The following EMC2 variants were observed in gnomAD, a reference collection of about 807,000 sequenced individuals.
EMC2 encodes TPR repeat protein 35.
EMC2 carries 37 observed loss-of-function variants against 51.6 expected under a neutral mutation model. That is an observed-to-expected ratio of 0.72 (90% CI 0.55 to 0.94). EMC2 has a LOEUF of 0.94. Among genes scored for constraint, EMC2 ranks in the 40% least tolerant of loss-of-function variants. The pLI, the probability that EMC2 is intolerant of heterozygous loss-of-function variation, is 0.00. For synonymous variants in EMC2, 131 were observed against 112.4 expected (o/e 1.17, Z -1.04); for missense variants, 359 against 350.9 (o/e 1.02, Z -0.18).
At chr8:108,444,810 C>A (rs752965773) in intron 1 of EMC2, among the ~76,000 whole-genome samples, 3 of 152,096 alleles carry the variant, frequency 2.0e-5, no homozygotes, top group Non-Finnish European at 2.9e-5. Flanking sequence ...GTGTTGATTT[C>A]TTACTGCAAA....
chr8:108,477,189 C>G (rs1810962688), intron 9 of EMC2, among the ~76,000 whole-genome samples: 1 of 151,886 alleles, frequency 6.6e-6, no homozygotes, highest in Admixed American at 6.6e-5. Flanking sequence ...TTTTGATATT[C>G]TTGGGTTTAT....
At chr8:108,478,349 A>AT (rs1686305822) in intron 9 of EMC2, among the ~76,000 whole-genome samples, 1 of 152,044 alleles carries the variant, frequency 6.6e-6, no homozygotes, top group African/African-American at 2.4e-5. Flanking sequence ...ATTTAAATAC[A>AT]TTTTTAAAAA....
intron 7 of EMC2, 136 bp downstream of exon 7, chr8:108,470,257 A>C (rs1355296467): frequency 1.6e-6 from 1 of 612,090 alleles, no homozygotes; most frequent in Non-Finnish European, 2.9e-6. Context: ...ACAAATCAAC[A>C]ATTAAATGAA....
At chr8:108,468,389 G>C (rs1810775078) in intron 5 of EMC2, among the ~76,000 whole-genome samples, 1 of 152,092 alleles carries the variant, frequency 6.6e-6, no homozygotes, top group South Asian at 2.1e-4. Context: ...TGCCTACTAT[G>C]TGACAGGCAT....
At chr8:108,456,332 C>CAAAAAAAAAA (rs869162246) in intron 5 of EMC2, among the ~76,000 whole-genome samples, 23 of 23,602 alleles carry the variant, frequency 9.7e-4, no homozygotes, top group African/African-American at 4.0e-3. Context: ...GACTTCGTGT[C>CAAAAAAAAAA]AAAAAAAAAA....
At chr8:108,466,219 G>T (rs143289822) in intron 5 of EMC2, among the ~76,000 whole-genome samples, 344 of 152,170 alleles carry the variant, frequency 2.3e-3, no homozygotes, top group African/African-American at 7.7e-3. Context: ...TTATCATGAG[G>T]AAAGAAGCAA....
At chr8:108,449,800 A>C in intron 1 of EMC2, 23 bp from the exon 2 acceptor site, 1 of 1,126,088 alleles carries the variant, frequency 8.9e-7, no homozygotes, top group Non-Finnish European at 1.3e-6. Flanking sequence ...ATATACACTT[A>C]AATGTCATGT....
rs1434628532 is a variant in EMC2, at chr8:108,487,356, G to T, written c.*758G>T. Among the ~76,000 whole-genome samples the T allele has an allele frequency of 6.6e-6, 1 of 151,226 alleles. No homozygotes were observed. Among genetic ancestry groups the T allele is most frequent in the Non-Finnish European group, 1.5e-5 (1 of 67,738 alleles). On this transcript the variant is annotated 3_prime_UTR_variant, in exon 11 of 11. Transcript: ENST00000220853. Reference sequence around the variant, plus strand: ...AATCATAAAGAGTAGGGATTAAAGGGGTTGTAGTTATTTTTAATTTTGAAA... The same window carrying T: ...AATCATAAAGAGTAGGGATTAAAGGTGTTGTAGTTATTTTTAATTTTGAAA...
At position 108,469,870 on chromosome 8, in the gene EMC2, A is replaced by G. The variant is rs745463952; in HGVS notation, c.408A>G (p.Lys136=). ...RKIAIRKAQG[K]NVEAIRELNE... ...TTGCCATTCGAAAAGCCCAGGGGAA[A>G]AATGTGGAGGCCATTCGGGAGCTGA... Residue 136 remains lysine (K), a synonymous_variant, in exon 6 of 11, where the codon AAA becomes AAG. Transcript: ENST00000220853. The G allele has an allele frequency of 6.2e-7, 1 of 1,613,638 alleles. No homozygotes were observed. Among genetic ancestry groups the G allele is most frequent in the East Asian group, 2.2e-5 (1 of 44,864 alleles).
Position 108,486,764 on chromosome 8 carries a change from T to A in EMC2, c.*166T>A. Reference sequence around the variant, plus strand: ...ATATAAACCTAAAAATGCCTTTTACTGCTAAGTGGGGAGATGGGGGAAATC... The same window carrying A: ...ATATAAACCTAAAAATGCCTTTTACAGCTAAGTGGGGAGATGGGGGAAATC... On this transcript the variant is annotated 3_prime_UTR_variant, in exon 11 of 11. Transcript: ENST00000220853. The A allele has an allele frequency of 1.6e-6, 1 of 617,772 alleles. No homozygotes were observed. The highest frequency in any genetic ancestry group is 2.5e-6 in the Non-Finnish European group (1 of 397,716). 38.3% of individuals were successfully genotyped at this position (617,772 alleles called of 1,614,324 possible). A position where few individuals can be genotyped will look rare whatever the true frequency, so the allele number is the denominator to read the frequency against.
At chr8:108,470,534 A>G (rs1217734401) in intron 7 of EMC2, among the ~76,000 whole-genome samples, 1 of 152,162 alleles carries the variant, frequency 6.6e-6, no homozygotes, top group Non-Finnish European at 1.5e-5. Context: ...GTATGCATGT[A>G]TTAGCCTTAG....
intron 10 of EMC2, among the ~76,000 whole-genome samples, chr8:108,484,620 A>G (rs1425485806): frequency 2.0e-5 from 3 of 152,028 alleles, no homozygotes; most frequent in African/African-American, 7.2e-5. Flanking sequence ...AGCAATTAGA[A>G]TAAATGTTAC....
intron 4 of EMC2, among the ~76,000 whole-genome samples, chr8:108,454,917 T>C (rs1048132686): frequency 2.6e-5 from 4 of 152,072 alleles, no homozygotes; most frequent in African/African-American, 9.6e-5. Context: ...GTTTGCATGG[T>C]TTCTGAAGAG....
rs369984271 is a variant in EMC2, at chr8:108,468,202, G to A, written c.364-1624G>A. 1.5e-4 allele frequency among the ~76,000 whole-genome samples: 23 copies of A among 152,230 alleles called. No individual in the cohort carries two copies. In the South Asian group the frequency reaches 4.8e-3, roughly 32 times the overall value. On this transcript the variant is annotated intron_variant, in intron 5 of 10. Transcript: ENST00000220853. ...TTAATTTATCCCTCATCTATTTGGA[G>A]GACTAGGGACAATGCTCCCATTTTA...
intron 7 of EMC2, among the ~76,000 whole-genome samples, chr8:108,471,465 A>G (rs925875247): frequency 6.6e-6 from 1 of 152,050 alleles, no homozygotes; most frequent in Admixed American, 6.5e-5. Flanking sequence ...ACAGTAAAGC[A>G]TAAAGACCAA....
At chr8:108,485,094 T>C (rs1233641120) in intron 10 of EMC2, among the ~76,000 whole-genome samples, 1 of 151,868 alleles carries the variant, frequency 6.6e-6, no homozygotes, top group Non-Finnish European at 1.5e-5. Flanking sequence ...GAGGGAATCA[T>C]AATGTTAAGC....
intron 5 of EMC2, among the ~76,000 whole-genome samples, chr8:108,457,951 C>T (rs1047750608): frequency 1.3e-5 from 2 of 152,178 alleles, no homozygotes; most frequent in African/African-American, 4.8e-5. Flanking sequence ...AAATCAAAGG[C>T]AAGTTAGTTA....
intron 7 of EMC2, among the ~76,000 whole-genome samples, chr8:108,473,626 T>C (rs1810898594): frequency 6.6e-6 from 1 of 151,816 alleles, no homozygotes; most frequent in Non-Finnish European, 1.5e-5. Context: ...ATTATGATTG[T>C]GATTATAGTT....
At chr8:108,449,968 C>A in intron 2 of EMC2, 32 bp downstream of exon 2, 2 of 826,274 alleles carry the variant, frequency 2.4e-6, no homozygotes, top group Non-Finnish European at 3.8e-6. Context: ...AGGCTCAGTA[C>A]ATGCCTCATT....
Sources: allele counts gnomAD v4.1 joint callset (sites outside exome capture counted in the v4.1 genomes callset), GRCh38; gene constraint gnomAD v4.1.1; transcripts MANE v1.5; gene names NCBI Gene and HGNC (gene_info 2026-07-23, HGNC 2026-07-21).